Variants in SDHAF3 observed in about 807,000 individuals in gnomAD.
SDHAF3 encodes the protein succinate dehydrogenase assembly factor 3, mitochondrial.
Under a neutral mutation model 11.5 loss-of-function variants are expected in SDHAF3, and 18 were observed. The ratio of observed to expected loss-of-function variants is 1.56; its 90% CI spans 1.08 to 2.32. The LOEUF (loss-of-function observed/expected upper bound fraction) is 2.32. Ranked by LOEUF, SDHAF3 falls within the 30% of genes most tolerant of loss-of-function variation. SDHAF3 has a pLI of 0.00. For synonymous variants in SDHAF3, 72 were observed against 59.3 expected, an observed-to-expected ratio of 1.21 and a Z score of -0.99; for missense variants, 200 against 154.4, an observed-to-expected ratio of 1.30 and a Z score of -1.57.
intron 1 of SDHAF3, among the ~76,000 whole-genome samples, chr7:97,134,373 C>A (rs976470921): frequency 3.3e-5 from 5 of 152,156 alleles, no homozygotes; most frequent in Non-Finnish European, 2.9e-5. Context: ...CCAGAATGAA[C>A]ACCACTTTAA....
At chr7:97,142,878 T>G (rs1161901902) in intron 1 of SDHAF3, 1 of 152,414 alleles carries the variant, frequency 6.6e-6, no homozygotes, top group East Asian at 1.9e-4. Context: ...AGGATTATTT[T>G]CTTCTTAAAT....
At position 97,146,274 on chromosome 7, in the gene SDHAF3, A is replaced by C. The variant is rs539024459; in HGVS notation, c.174+28377A>C. ...AGTTTGGTTGTATAATTTGTTGTCA[A>C]AACTGTGACATTTGTGGGAGTAAAA... is the stretch of plus-strand genomic sequence containing the variant. On this transcript the variant is annotated intron_variant, in intron 1 of 1. Transcript: ENST00000432641. Among the ~76,000 whole-genome samples, 273 of 152,320 alleles carry C rather than the reference A, an allele frequency of 1.8e-3. 1 individual carries two copies. The highest frequency in any genetic ancestry group is 3.4e-3 in the Middle Eastern group (1 of 294).
intron 1 of SDHAF3, among the ~76,000 whole-genome samples, chr7:97,161,650 TG>T (rs538194713): frequency 6.6e-6 from 1 of 152,200 alleles, no homozygotes; most frequent in Non-Finnish European, 1.5e-5. Context: ...ATATTCTCCT[TG>T]TTCATCTCCC....
At chr7:97,124,302 C>T (rs762533887) in intron 1 of SDHAF3, among the ~76,000 whole-genome samples, 9 of 152,040 alleles carry the variant, frequency 5.9e-5, no homozygotes, top group Non-Finnish European at 1.0e-4. Flanking sequence ...GAGATGGTTG[C>T]AGATGTGTGG....
intron 1 of SDHAF3, among the ~76,000 whole-genome samples, chr7:97,145,761 G>T (rs1789124751): frequency 6.6e-6 from 1 of 151,870 alleles, no homozygotes; most frequent in Admixed American, 6.6e-5. Flanking sequence ...AATTTTCTTT[G>T]TCTTAATTGA....
chr7:97,133,681 C>T (rs1262867770), intron 1 of SDHAF3, among the ~76,000 whole-genome samples: 1 of 152,114 alleles, frequency 6.6e-6, no homozygotes, highest in Non-Finnish European at 1.5e-5. Context: ...TCAGATTCTT[C>T]TCTTTGTGTG....
intron 1 of SDHAF3, among the ~76,000 whole-genome samples, chr7:97,141,536 C>G (rs543217027): frequency 3.3e-5 from 5 of 152,240 alleles, no homozygotes; most frequent in African/African-American, 1.2e-4. Context: ...AGAAAAGAAC[C>G]TACATGAAAT....
chr7:97,148,149 C>T (rs1789164572), intron 1 of SDHAF3, among the ~76,000 whole-genome samples: 1 of 152,086 alleles, frequency 6.6e-6, no homozygotes, highest in Non-Finnish European at 1.5e-5. Flanking sequence ...CTCAGCCTCC[C>T]AAAGTGCTAG....
chr7:97,163,249 C>A (rs1789443161), intron 1 of SDHAF3, among the ~76,000 whole-genome samples: 1 of 140,894 alleles, frequency 7.1e-6, no homozygotes, highest in Non-Finnish European at 1.5e-5. Flanking sequence ...TCAAGTGATT[C>A]TCCTGCCTCA....
At chr7:97,129,922 G>A (rs964932475) in intron 1 of SDHAF3, among the ~76,000 whole-genome samples, 4 of 152,150 alleles carry the variant, frequency 2.6e-5, no homozygotes, top group African/African-American at 7.2e-5. Flanking sequence ...TGGGTCTGCG[G>A]TGGGATGGGC....
chr7:97,121,092 C>T (rs143984542), intron 1 of SDHAF3, among the ~76,000 whole-genome samples: 4 of 152,256 alleles, frequency 2.6e-5, no homozygotes, highest in African/African-American at 4.8e-5. Flanking sequence ...GGAGAATGTA[C>T]GATAACTGGT....
At chr7:97,150,438 T>G (rs915256305) in intron 1 of SDHAF3, among the ~76,000 whole-genome samples, 3 of 152,214 alleles carry the variant, frequency 2.0e-5, no homozygotes, top group African/African-American at 7.2e-5. Flanking sequence ...TGGGGCTACA[T>G]AATGGTTGTT....
chr7:97,125,441 G>A (rs895726024), intron 1 of SDHAF3, among the ~76,000 whole-genome samples: 3 of 151,878 alleles, frequency 2.0e-5, no homozygotes, highest in East Asian at 1.9e-4. Flanking sequence ...GTTCTCATTG[G>A]TTTCAAAGAA....
intron 1 of SDHAF3, among the ~76,000 whole-genome samples, chr7:97,168,393 CAAG>C (rs1789546766): frequency 6.6e-6 from 1 of 152,096 alleles, no homozygotes; most frequent in African/African-American, 2.4e-5. Context: ...AGTTCCCAGG[CAAG>C]AAGGGGGTTT....
intron 1 of SDHAF3, among the ~76,000 whole-genome samples, chr7:97,146,422 A>G (rs1466924520): frequency 6.6e-6 from 1 of 152,230 alleles, no homozygotes; most frequent in Non-Finnish European, 1.5e-5. Flanking sequence ...AATTTTCCAA[A>G]ATATAAAACA....
intron 1 of SDHAF3, among the ~76,000 whole-genome samples, chr7:97,134,784 T>G (rs1791723457): frequency 6.6e-6 from 1 of 152,186 alleles, no homozygotes; most frequent in Admixed American, 6.5e-5. Flanking sequence ...TGGACATTTT[T>G]GCAAGTTTGA....
At chr7:97,148,332 G>A (rs1469794493) in intron 1 of SDHAF3, among the ~76,000 whole-genome samples, 2 of 152,150 alleles carry the variant, frequency 1.3e-5, no homozygotes, top group Non-Finnish European at 2.9e-5. Flanking sequence ...GCCAGGAGAT[G>A]GAGACCAGTC....
chr7:97,162,662 A>C (rs1490654402), intron 1 of SDHAF3, among the ~76,000 whole-genome samples: 1 of 152,174 alleles, frequency 6.6e-6, no homozygotes, highest in Non-Finnish European at 1.5e-5. Context: ...GTAGTCATTC[A>C]GGAGCAAGTT....
chr7:97,178,851 C>G (rs1562833481), intron 1 of SDHAF3, among the ~76,000 whole-genome samples: 1 of 151,980 alleles, frequency 6.6e-6, no homozygotes, highest in Non-Finnish European at 1.5e-5. Flanking sequence ...TTGATACTGT[C>G]CAGTTTATTT....
Sources: gnomAD v4.1 joint callset for allele counts (sites outside exome capture counted in the v4.1 genomes callset) on GRCh38, gnomAD v4.1.1 for gene constraint, MANE v1.5 for transcripts, NCBI Gene and HGNC (gene_info 2026-07-23, HGNC 2026-07-21) for gene names.